TENM3: variants seen among roughly 807,000 people sequenced by gnomAD.
The protein encoded by TENM3 is teneurin transmembrane protein 3, also known as teneurin-3.
A neutral mutation model predicts 255.1 loss-of-function variants in TENM3; 63 were observed. The observed-to-expected ratio is 0.25, with a 90% CI of 0.20 to 0.30. The LOEUF (loss-of-function observed/expected upper bound fraction) is 0.30. Ranked by LOEUF, TENM3 falls within the 10% of genes least tolerant of loss-of-function variation. The pLI is 1.00. For synonymous variants in TENM3, 1,306 were observed against 1,322.3 expected, an observed-to-expected ratio of 0.99 and a Z score of 0.27; for missense variants, 2,929 against 3,461.1, an observed-to-expected ratio of 0.85 and a Z score of 3.86.
At chr4:182,619,176 G>A (rs111736195) in intron 4 of TENM3, among the ~76,000 whole-genome samples, 77 of 151,878 alleles carry the variant, frequency 5.1e-4, no homozygotes, top group African/African-American at 1.8e-3. Context: ...ACCTGTAATC[G>A]CAACACTTTG....
At chr4:182,295,181 G>A (rs766843348) in intron 1 of TENM3, among the ~76,000 whole-genome samples, 16 of 149,572 alleles carry the variant, frequency 1.1e-4, no homozygotes, top group African/African-American at 3.5e-4. Context: ...AAAGTGATAC[G>A]TATTATTGAT....
chr4:182,174,502 T>TCACACACA (rs71605053), intron 1 of TENM3, among the ~76,000 whole-genome samples: 2,036 of 137,660 alleles, frequency 0.015, 23 homozygotes, highest in African/African-American at 0.017. Context: ...AGCTACTAAT[T>TCACACACA]CACACACACA....
the TENM3 span, among the ~76,000 whole-genome samples, chr4:181,681,129 T>C: frequency 4.6e-5 from 7 of 151,962 alleles, no homozygotes; most frequent in South Asian, 1.5e-3. Context: ...ATGGAAACAG[T>C]CCATGTGCAA....
chr4:181,601,510 C>T, the TENM3 span, among the ~76,000 whole-genome samples: 2 of 152,110 alleles, frequency 1.3e-5, no homozygotes, highest in Non-Finnish European at 2.9e-5. Flanking sequence ...TGCACACATC[C>T]CTGGTATCTC....
chr4:182,067,885 A>AT, the TENM3 span, among the ~76,000 whole-genome samples: 272 of 148,816 alleles, frequency 1.8e-3, 1 homozygote, highest in African/African-American at 5.7e-3. Flanking sequence ...TTTCAGGGTC[A>AT]TTTTTTTTTT....
At chr4:181,869,846 G>A in the TENM3 span, among the ~76,000 whole-genome samples, 3 of 151,856 alleles carry the variant, frequency 2.0e-5, no homozygotes, top group East Asian at 3.9e-4. Flanking sequence ...TAATAAAATT[G>A]GCATTAAAAT....
the TENM3 span, among the ~76,000 whole-genome samples, chr4:181,516,690 C>T: frequency 6.6e-6 from 1 of 151,832 alleles, no homozygotes; most frequent in African/African-American, 2.4e-5. Flanking sequence ...GCAGGAGAAT[C>T]GCTGGAACTC....
intron 7 of TENM3, among the ~76,000 whole-genome samples, chr4:182,676,799 C>T (rs539721080): frequency 4.0e-4 from 61 of 152,248 alleles, no homozygotes; most frequent in African/African-American, 1.3e-3. Flanking sequence ...ATTTTTAAAG[C>T]GTGTATATTT....
intron 3 of TENM3, among the ~76,000 whole-genome samples, chr4:182,520,164 C>T (rs760435414): frequency 2.0e-5 from 3 of 152,022 alleles, no homozygotes; most frequent in Non-Finnish European, 2.9e-5. Context: ...AAATTGTCTT[C>T]GTTTGCAGAC....
intron 3 of TENM3, among the ~76,000 whole-genome samples, chr4:182,384,584 A>C (rs1258877933): frequency 6.6e-6 from 1 of 152,088 alleles, no homozygotes. Context: ...ACCGATATTG[A>C]AATATTTGTG....
the TENM3 span, among the ~76,000 whole-genome samples, chr4:181,544,554 GC>G: frequency 3.3e-5 from 5 of 152,062 alleles, no homozygotes; most frequent in Admixed American, 1.3e-4. Context: ...CTTCTGGGCT[GC>G]CCCCTGCCGC....
chr4:182,367,509 G>A (rs769256933), intron 3 of TENM3, among the ~76,000 whole-genome samples: 3 of 152,262 alleles, frequency 2.0e-5, no homozygotes, highest in African/African-American at 4.8e-5. Flanking sequence ...ATAAGAAGGC[G>A]TCACATCGTG....
At chr4:182,467,996 G>T (rs1732753931) in intron 3 of TENM3, among the ~76,000 whole-genome samples, 1 of 152,164 alleles carries the variant, frequency 6.6e-6, no homozygotes, top group Non-Finnish European at 1.5e-5. Flanking sequence ...AGGTTGCACA[G>T]GAAGAGGAGA....
the TENM3 span, among the ~76,000 whole-genome samples, chr4:182,025,364 T>C: frequency 3.3e-5 from 5 of 152,198 alleles, no homozygotes; most frequent in African/African-American, 9.7e-5. Context: ...TAGTATTCCA[T>C]TGTGTGTATG....
the TENM3 span, among the ~76,000 whole-genome samples, chr4:181,634,096 G>T: frequency 0.034 from 5,244 of 152,272 alleles, 313 homozygotes; most frequent in African/African-American, 0.12. Flanking sequence ...ATGGTCTCAT[G>T]CAGGTAACAA....
the TENM3 span, among the ~76,000 whole-genome samples, chr4:182,041,180 CTG>C: frequency 1.3e-5 from 2 of 151,910 alleles, no homozygotes; most frequent in Admixed American, 1.3e-4. Flanking sequence ...CTATCTCGTG[CTG>C]TGTGTGTGTC....
chr4:182,768,060 A>T (rs1381505894), intron 22 of TENM3, among the ~76,000 whole-genome samples: 1 of 152,344 alleles, frequency 6.6e-6, no homozygotes, highest in African/African-American at 2.4e-5. Flanking sequence ...GGGCCAGTTC[A>T]GGGTCAGGCT....
At chr4:182,392,304 C>A (rs545009500) in intron 3 of TENM3, among the ~76,000 whole-genome samples, 18 of 152,280 alleles carry the variant, frequency 1.2e-4, no homozygotes, top group African/African-American at 4.1e-4. Flanking sequence ...AAACCGAAAT[C>A]TGTTGAATCG....
chr4:181,523,911 C>T, the TENM3 span, among the ~76,000 whole-genome samples: 1 of 152,158 alleles, frequency 6.6e-6, no homozygotes, highest in Non-Finnish European at 1.5e-5. Flanking sequence ...GAAGAGCTTT[C>T]ATTTGACAAA....
Sources: gnomAD v4.1 joint callset for allele counts (sites outside exome capture counted in the v4.1 genomes callset) on GRCh38, gnomAD v4.1.1 for gene constraint, MANE v1.5 for transcripts, NCBI Gene and HGNC (gene_info 2026-07-23, HGNC 2026-07-21) for gene names.